TRERF1: variants seen among roughly 807,000 people sequenced by gnomAD.
The protein encoded by TRERF1 is transcriptional-regulating factor 1.
In TRERF1, 27 loss-of-function variants were observed where a neutral mutation model predicts 122.9. The ratio of observed to expected loss-of-function variants is 0.22; its 90% CI spans 0.16 to 0.30. TRERF1 has a LOEUF of 0.30. Ranked by LOEUF, TRERF1 falls within the 10% of genes least tolerant of loss-of-function variation. The pLI is 1.00. For synonymous variants in TRERF1, 636 were observed against 641.7 expected (o/e 0.99, Z 0.13); for missense variants, 1,248 against 1,560.3 (o/e 0.80, Z 3.37).
intron 2 of TRERF1, among the ~76,000 whole-genome samples, chr6:42,395,136 C>T (rs967537686): frequency 1.1e-4 from 17 of 152,184 alleles, no homozygotes; most frequent in Admixed American, 1.3e-4. Flanking sequence ...GAGTTGGTTC[C>T]GTGACCAGGC....
intron 16 of TRERF1, among the ~76,000 whole-genome samples, chr6:42,234,869 C>T (rs1265783040): frequency 1.3e-5 from 2 of 152,106 alleles, no homozygotes; most frequent in Admixed American, 6.5e-5. Flanking sequence ...CCATTTGGTA[C>T]ACAACTTATT....
At chr6:42,441,342 AG>A (rs1161993589) in intron 2 of TRERF1, among the ~76,000 whole-genome samples, 2 of 152,130 alleles carry the variant, frequency 1.3e-5, no homozygotes, top group African/African-American at 2.4e-5. Context: ...GGGAAGGAGG[AG>A]GGGGTGGGTG....
At chr6:42,386,826 T>C (rs1016580359) in intron 2 of TRERF1, among the ~76,000 whole-genome samples, 31 of 152,182 alleles carry the variant, frequency 2.0e-4, no homozygotes, top group Non-Finnish European at 2.1e-4. Flanking sequence ...GAGGATGAGA[T>C]GCGCAGCAAC....
At chr6:42,426,254 GA>G (rs1783620480) in intron 2 of TRERF1, among the ~76,000 whole-genome samples, 3 of 152,148 alleles carry the variant, frequency 2.0e-5, no homozygotes, top group Admixed American at 6.5e-5. Context: ...AACTCAGCAA[GA>G]AATACTATGT....
chr6:42,408,313 A>G (rs1292022249), intron 2 of TRERF1, among the ~76,000 whole-genome samples: 6 of 123,520 alleles, frequency 4.9e-5, no homozygotes, highest in East Asian at 2.2e-4. Flanking sequence ...ATACATACTC[A>G]TGTGTGTGTA....
chr6:42,378,328 C>T (rs2151112458), intron 2 of TRERF1, among the ~76,000 whole-genome samples: 1 of 151,290 alleles, frequency 6.6e-6, no homozygotes, highest in East Asian at 1.9e-4. Context: ...GCAGAGGGAA[C>T]TCAAACTGAA....
intron 2 of TRERF1, among the ~76,000 whole-genome samples, chr6:42,419,492 C>A (rs1782446435): frequency 6.6e-6 from 1 of 152,118 alleles, no homozygotes; most frequent in East Asian, 1.9e-4. Context: ...ACCCATCCCC[C>A]AACATGTGCC....
chr6:42,248,364 T>C (rs1338891608), intron 13 of TRERF1, among the ~76,000 whole-genome samples: 1 of 152,106 alleles, frequency 6.6e-6, no homozygotes, highest in African/African-American at 2.4e-5. Context: ...TTTCTTTTTT[T>C]TTTTTGGAGA....
chr6:42,388,759 A>T (rs975170249), intron 2 of TRERF1, among the ~76,000 whole-genome samples: 1 of 152,246 alleles, frequency 6.6e-6, no homozygotes, highest in African/African-American at 2.4e-5. Context: ...TTTCAGTCTC[A>T]TGCTCTATGT....
intron 3 of TRERF1, among the ~76,000 whole-genome samples, chr6:42,337,146 T>C (rs1227020600): frequency 6.6e-6 from 1 of 152,038 alleles, no homozygotes; most frequent in Non-Finnish European, 1.5e-5. Flanking sequence ...GAGTTGGACA[T>C]ACCCTGGACG....
At chr6:42,310,060 G>C (rs1279211791) in intron 3 of TRERF1, among the ~76,000 whole-genome samples, 3 of 151,570 alleles carry the variant, frequency 2.0e-5, no homozygotes, top group Admixed American at 1.3e-4. Flanking sequence ...CCCGCACCCA[G>C]CCTAAAATTA....
chr6:42,253,717 T>A (rs752663215), intron 13 of TRERF1, among the ~76,000 whole-genome samples: 1 of 152,216 alleles, frequency 6.6e-6, no homozygotes, highest in East Asian at 1.9e-4. Context: ...TGCCTTGTGA[T>A]GACAGGCAGG....
intron 2 of TRERF1, among the ~76,000 whole-genome samples, chr6:42,370,380 TTTG>T (rs1251501398): frequency 2.0e-5 from 3 of 152,234 alleles, no homozygotes; most frequent in African/African-American, 7.2e-5. Flanking sequence ...CTTTGTTATC[TTTG>T]TTATGTTTTG....
At chr6:42,253,845 G>A (rs556312306) in intron 13 of TRERF1, among the ~76,000 whole-genome samples, 15 of 152,320 alleles carry the variant, frequency 9.8e-5, no homozygotes, top group Middle Eastern at 3.4e-3. Flanking sequence ...ATTGGAAAAC[G>A]TATAGCTAGG....
chr6:42,329,766 G>A (rs569563877), intron 3 of TRERF1, among the ~76,000 whole-genome samples: 57 of 152,138 alleles, frequency 3.7e-4, no homozygotes, highest in East Asian at 7.7e-4. Flanking sequence ...TGAGGTGGGC[G>A]GATCATGAGG....
intron 2 of TRERF1, among the ~76,000 whole-genome samples, chr6:42,427,797 G>T (rs896595567): frequency 6.6e-6 from 1 of 151,548 alleles, no homozygotes; most frequent in Non-Finnish European, 1.5e-5. Context: ...TGATCCTCCC[G>T]CCTCAGCCTC....
At chr6:42,236,090 T>G in intron 16 of TRERF1, 115 bp downstream of exon 16, 1 of 1,438,028 alleles carries the variant, frequency 7.0e-7, no homozygotes, top group Non-Finnish European at 9.1e-7. Context: ...GAGCACCCTC[T>G]GCCAAACTGT....
chr6:42,227,190 A>G (rs1769666184), exon 18 of TRERF1: 1 of 152,232 alleles, frequency 6.6e-6, no homozygotes, highest in Non-Finnish European at 1.5e-5. Context: ...GAATGCAAAC[A>G]TTATAGCTAA....
chr6:42,409,838 T>A (rs577287514), intron 2 of TRERF1, among the ~76,000 whole-genome samples: 95 of 152,336 alleles, frequency 6.2e-4, no homozygotes, highest in Non-Finnish European at 1.0e-3. Context: ...CTGCAGCCCC[T>A]GTGTAAGGAT....
Sources: gnomAD v4.1 joint callset for allele counts (sites outside exome capture counted in the v4.1 genomes callset) on GRCh38, gnomAD v4.1.1 for gene constraint, MANE v1.5 for transcripts, NCBI Gene and HGNC (gene_info 2026-07-23, HGNC 2026-07-21) for gene names.